CENPP: variants seen among roughly 807,000 people sequenced by gnomAD.
CENPP encodes centromere protein P.
A neutral mutation model predicts 35.6 loss-of-function variants in CENPP; 24 were observed. The observed-to-expected ratio is 0.67, with a 90% CI of 0.49 to 0.95. CENPP has a LOEUF of 0.95. Among genes scored for constraint, CENPP ranks in the 40% least tolerant of loss-of-function variants. CENPP has a pLI of 0.00. For missense variants in CENPP, 332 were observed against 345.3 expected, an observed-to-expected ratio of 0.96 and a Z score of 0.31; for synonymous variants, 120 against 125.5, an observed-to-expected ratio of 0.96 and a Z score of 0.29.
At chr9:92,495,297 A>G in intron 5 of CENPP, 2 of 816,898 alleles carry the variant, frequency 2.4e-6, no homozygotes, top group Non-Finnish European at 3.0e-6. Context: ...TACTTTAGCA[A>G]TACAAAGATA....
chr9:92,427,344 G>A (rs1010811436), intron 5 of CENPP, among the ~76,000 whole-genome samples: 4 of 152,112 alleles, frequency 2.6e-5, no homozygotes, highest in Non-Finnish European at 4.4e-5. Context: ...TGTATTTTTA[G>A]TAGAGACTGG....
chr9:92,515,280 G>A (rs1179057880), intron 5 of CENPP: 1 of 1,377,722 alleles, frequency 7.3e-7, no homozygotes, highest in Non-Finnish European at 9.4e-7. Context: ...ATGAAAATGA[G>A]GTTAGTAAAT....
intron 5 of CENPP, among the ~76,000 whole-genome samples, chr9:92,559,784 A>G (rs1163248983): frequency 1.3e-5 from 2 of 152,116 alleles, no homozygotes; most frequent in Non-Finnish European, 2.9e-5. Flanking sequence ...TACAGGCATG[A>G]GCCACCATGC....
intron 5 of CENPP, among the ~76,000 whole-genome samples, chr9:92,525,855 T>A (rs1302446410): frequency 7.5e-6 from 1 of 134,016 alleles, no homozygotes; most frequent in African/African-American, 2.9e-5. Context: ...ACTACAGGTA[T>A]GCACCACCAT....
At chr9:92,535,930 T>A (rs1444635216) in intron 5 of CENPP, 1 of 471,588 alleles carries the variant, frequency 2.1e-6, no homozygotes, top group East Asian at 5.8e-5. Flanking sequence ...AAAACTTTTT[T>A]ACCTGGAGAT....
chr9:92,547,410 GTCA>G, intron 5 of CENPP, among the ~76,000 whole-genome samples: 1 of 152,208 alleles, frequency 6.6e-6, no homozygotes, highest in Non-Finnish European at 1.5e-5. Flanking sequence ...CTAAATGTTT[GTCA>G]ACTGTTGAAT....
chr9:92,524,499 C>A (rs1225824293), intron 5 of CENPP, among the ~76,000 whole-genome samples: 1 of 152,098 alleles, frequency 6.6e-6, no homozygotes, highest in African/African-American at 2.4e-5. Context: ...TCTCTCTTGG[C>A]CTAAAGTTAG....
At chr9:92,401,284 G>T in intron 5 of CENPP, 1 of 603,980 alleles carries the variant, frequency 1.7e-6, no homozygotes, top group Non-Finnish European at 2.9e-6. Flanking sequence ...TACAATTAGT[G>T]GCATTTCCTT....
At chr9:92,333,625 A>T (rs565460768) in intron 2 of CENPP, among the ~76,000 whole-genome samples, 2 of 152,356 alleles carry the variant, frequency 1.3e-5, no homozygotes, top group Admixed American at 1.3e-4. Context: ...CTAAGTAGTT[A>T]TAGGAGTTTC....
At chr9:92,599,178 C>G (rs1283960752) in intron 5 of CENPP, among the ~76,000 whole-genome samples, 1 of 151,874 alleles carries the variant, frequency 6.6e-6, no homozygotes, top group Non-Finnish European at 1.5e-5. Flanking sequence ...AATTTCATCC[C>G]TAGGGGTTTG....
At chr9:92,570,180 A>G (rs1056393804) in intron 5 of CENPP, among the ~76,000 whole-genome samples, 3 of 151,714 alleles carry the variant, frequency 2.0e-5, no homozygotes, top group Non-Finnish European at 4.4e-5. Context: ...GAGTGCTTCT[A>G]GTCTGCCCAT....
At chr9:92,468,504 T>A (rs1845394983) in intron 5 of CENPP, among the ~76,000 whole-genome samples, 1 of 152,206 alleles carries the variant, frequency 6.6e-6, no homozygotes, top group Non-Finnish European at 1.5e-5. Context: ...GCTGTGATTG[T>A]GTTCAGTGAT....
chr9:92,360,713 T>C (rs1336491200), intron 4 of CENPP, among the ~76,000 whole-genome samples: 1 of 152,050 alleles, frequency 6.6e-6, no homozygotes, highest in East Asian at 1.9e-4. Flanking sequence ...TTATTTATTA[T>C]TATTATTTTT....
chr9:92,431,903 T>A (rs539860799), intron 5 of CENPP, among the ~76,000 whole-genome samples: 37 of 152,316 alleles, frequency 2.4e-4, no homozygotes, highest in South Asian at 1.7e-3. Flanking sequence ...GTAATTTTTT[T>A]AAATTGATTT....
chr9:92,536,019 C>T (rs1221294696), intron 5 of CENPP: 1 of 509,710 alleles, frequency 2.0e-6, no homozygotes, highest in South Asian at 1.4e-5. Flanking sequence ...TCTTTAAAAA[C>T]AAAGAAAGGA....
intron 5 of CENPP, among the ~76,000 whole-genome samples, chr9:92,391,679 T>A (rs924552068): frequency 6.6e-6 from 1 of 152,082 alleles, no homozygotes; most frequent in Non-Finnish European, 1.5e-5. Flanking sequence ...GAAAAACATG[T>A]CGTTAAATAG....
At chr9:92,436,023 G>A (rs1425256844) in intron 5 of CENPP, among the ~76,000 whole-genome samples, 5 of 152,124 alleles carry the variant, frequency 3.3e-5, no homozygotes, top group Admixed American at 3.3e-4. Context: ...ACATTCCCAC[G>A]AACAGTGTAT....
At chr9:92,447,122 G>C (rs1269856164) in intron 5 of CENPP, among the ~76,000 whole-genome samples, 3 of 152,096 alleles carry the variant, frequency 2.0e-5, no homozygotes, top group Non-Finnish European at 4.4e-5. Flanking sequence ...TGTCACCAGG[G>C]ACCAGTTTTG....
intron 5 of CENPP, chr9:92,465,129 C>CTCACGCTTCTTGG: frequency 2.5e-6 from 2 of 815,696 alleles, no homozygotes; most frequent in Non-Finnish European, 4.1e-6. Context: ...TCCCAAGAAG[C>CTCACGCTTCTTGG]GTGAGCTTCA....
Sources: gnomAD v4.1 joint callset for allele counts (sites outside exome capture counted in the v4.1 genomes callset) on GRCh38, gnomAD v4.1.1 for gene constraint, MANE v1.5 for transcripts, NCBI Gene and HGNC (gene_info 2026-07-23, HGNC 2026-07-21) for gene names.